SLC18A1: variants seen among roughly 807,000 people sequenced by gnomAD.
SLC18A1 encodes chromaffin granule amine transporter.
In SLC18A1, 69 loss-of-function variants were observed where a neutral mutation model predicts 53.7. That is an observed-to-expected ratio of 1.28 (90% CI 1.06 to 1.57). SLC18A1 has a LOEUF of 1.57. Among genes scored for constraint, SLC18A1 ranks in the 40% most tolerant of loss-of-function variants. The pLI is 0.00. For missense variants in SLC18A1, 932 were observed against 668.1 expected (o/e 1.40, Z -4.35); for synonymous variants, 320 against 248.1 (o/e 1.29, Z -2.72).
intron 4 of SLC18A1, 87 bp downstream of exon 4, chr8:20,178,348 T>C: frequency 1.9e-6 from 2 of 1,045,348 alleles, no homozygotes; most frequent in Non-Finnish European, 2.8e-6. Context: ...AATTACATTC[T>C]AGGTTACCCT....
At chr8:20,178,343 C>T (rs1483797355) in intron 4 of SLC18A1, 92 bp downstream of exon 4, 1 of 996,980 alleles carries the variant, frequency 1.0e-6, no homozygotes, top group East Asian at 2.5e-5. Context: ...TGCCTAATTA[C>T]ATTCTAGGTT....
intron 10 of SLC18A1, among the ~76,000 whole-genome samples, chr8:20,159,514 A>C (rs1316717778): frequency 6.6e-6 from 1 of 151,946 alleles, no homozygotes; most frequent in Non-Finnish European, 1.5e-5. Flanking sequence ...GAGAGCACAG[A>C]GGGAGGGACA....
Position 20,155,740 on chromosome 8 carries a change from C to T in SLC18A1, c.1016-4996G>A, listed in dbSNP as rs377351704. 2.3e-4 allele frequency among the ~76,000 whole-genome samples: 35 copies of T among 152,286 alleles called. No homozygotes were observed. The South Asian group carries it at 7.3e-3, about 32-fold the overall frequency. On this transcript the variant is annotated intron_variant, in intron 10 of 15. Transcript: ENST00000276373. ...ATGCTTCAGACTTTCACTTCCTCTCCCAAGTATTAGAGCAAGTTGTATCTC... is the reference window on the plus strand; with the variant it reads ...ATGCTTCAGACTTTCACTTCCTCTCTCAAGTATTAGAGCAAGTTGTATCTC...
intron 8 of SLC18A1, among the ~76,000 whole-genome samples, chr8:20,170,762 C>T (rs1195954881): frequency 6.7e-6 from 1 of 148,994 alleles, no homozygotes; most frequent in Non-Finnish European, 1.5e-5. Context: ...TGTGTGTGCA[C>T]ATATATATAT....
Position 20,147,210 on chromosome 8 carries a change from G to A in SLC18A1, c.1464+48C>T, listed in dbSNP as rs371494219. ...GATGAAAGGGAATGAGAGAGATGAT[G>A]GAAAGAAACAGAAGTGAATTTCTCT... On this transcript the variant is annotated intron_variant, in intron 15 of 15. Coordinates refer to ENST00000276373, the MANE Select transcript of SLC18A1 (RefSeq NM_003053.4). 6 of 1,556,584 alleles carry A rather than the reference G, an allele frequency of 3.9e-6. No homozygotes were observed. The African/African-American group carries it at 5.5e-5, about 14-fold the overall frequency.
intron 12 of SLC18A1, among the ~76,000 whole-genome samples, chr8:20,149,473 T>C (rs1213824470): frequency 6.6e-6 from 1 of 152,072 alleles, no homozygotes; most frequent in Non-Finnish European, 1.5e-5. Context: ...TCTTCCCCCG[T>C]GCTAAATTCC....
chr8:20,145,938 C>G (rs549658924), intron 15 of SLC18A1, 62 bp from the exon 16 acceptor site: 1 of 955,036 alleles, frequency 1.0e-6, no homozygotes, highest in East Asian at 2.8e-5. Flanking sequence ...TTTTTTGAGA[C>G]GGAGTCTCGC....
Position 20,164,980 on chromosome 8 carries a change from T to C in SLC18A1, c.920-16A>G. The stretch of plus-strand genomic sequence containing the variant: ...CAGATGGACCCTGGGGAGACTGTTC[T>C]GTGAGCAGCCGTGGCTGCTTGAAGC... On this transcript the variant is annotated splice_polypyrimidine_tract_variant and intron_variant, in intron 9 of 15. Transcript: ENST00000276373. 6.2e-7 allele frequency: 1 copy of C among 1,613,904 alleles called. No homozygotes were observed. Among genetic ancestry groups the C allele is most frequent in the Non-Finnish European group, 8.5e-7 (1 of 1,179,854 alleles).
At chr8:20,170,722 A>G (rs1215948129) in intron 8 of SLC18A1, among the ~76,000 whole-genome samples, 1 of 152,044 alleles carries the variant, frequency 6.6e-6, no homozygotes, top group Non-Finnish European at 1.5e-5. Flanking sequence ...TCAGTCCCCA[A>G]TGTCATTATC....
chr8:20,181,125 G>T (rs2072419112), intron 1 of SLC18A1, 38 bp from the exon 2 acceptor site: 1 of 687,554 alleles, frequency 1.5e-6, no homozygotes, highest in African/African-American at 1.8e-5. Context: ...GCAAGTAGTA[G>T]GATGATATTT....
intron 10 of SLC18A1, among the ~76,000 whole-genome samples, chr8:20,161,928 C>T (rs151306659): frequency 3.3e-4 from 51 of 152,270 alleles, no homozygotes; most frequent in Middle Eastern, 3.4e-3. Context: ...CCTACAGTTC[C>T]GTGATCTTGG....
At chr8:20,147,794 T>G in intron 13 of SLC18A1, 72 bp from the exon 14 acceptor site, 2 of 1,581,796 alleles carry the variant, frequency 1.3e-6, no homozygotes, top group Non-Finnish European at 1.7e-6. Context: ...CCTCCTCCAT[T>G]TAGTCCATTT....
At chr8:20,180,502 C>T (rs181442147) in intron 2 of SLC18A1, among the ~76,000 whole-genome samples, 4 of 152,256 alleles carry the variant, frequency 2.6e-5, no homozygotes, top group African/African-American at 7.2e-5. Flanking sequence ...GAGAAGATCT[C>T]GCTGCCTCAG....
chr8:20,150,834 T>C, intron 10 of SLC18A1, 90 bp from the exon 11 acceptor site: 1 of 1,183,280 alleles, frequency 8.5e-7, no homozygotes, highest in South Asian at 1.2e-5. Context: ...TCCACCCCTG[T>C]AACCTTCCAA....
intron 12 of SLC18A1, chr8:20,148,519 G>A: frequency 2.4e-6 from 3 of 1,271,798 alleles, no homozygotes; most frequent in Non-Finnish European, 3.1e-6. Flanking sequence ...CTTGGTAGCT[G>A]TTGGAAAAAG....
chr8:20,153,685 G>T (rs1267672938), intron 10 of SLC18A1, among the ~76,000 whole-genome samples: 4 of 151,770 alleles, frequency 2.6e-5, no homozygotes, highest in African/African-American at 9.7e-5. Context: ...AAAGAAAGAA[G>T]TGAGGACAGG....
chr8:20,170,367 C>T lies in SLC18A1; in HGVS notation c.858+736G>A, dbSNP rs918615590. Among the ~76,000 whole-genome samples the T allele has an allele frequency of 8.5e-5, 13 of 152,264 alleles. No homozygotes were observed. In the East Asian group the frequency reaches 2.3e-3, roughly 27 times the overall value. ...TGTGTAAGATGCAGCATAGATGGCG[C>T]ACTAAGCTGAGCTCCTGGTGCGTGA... On this transcript the variant is annotated intron_variant, in intron 8 of 15. Transcript: ENST00000276373.
rs1251767548 is a variant in SLC18A1 at position 20,145,001 on chromosome 8, T to G, written c.*762A>C. The G allele has an allele frequency of 6.6e-6, 1 of 152,158 alleles. No homozygotes were observed. The highest frequency in any genetic ancestry group is 1.5e-5 in the Non-Finnish European group (1 of 68,034). 9.4% of individuals were successfully genotyped at this position (152,158 alleles called of 1,614,324 possible). On this transcript the variant is annotated 3_prime_UTR_variant, in exon 16 of 16. Transcript: ENST00000276373. The stretch of plus-strand genomic sequence containing the variant: ...ATCTTGGGTCTAATCAGTTATTTTT[T>G]CTGTCTTTCTTCTACTTTTATTTCT...
chr8:20,178,590 A>C, intron 3 of SLC18A1, 97 bp from the exon 4 acceptor site: 1 of 846,442 alleles, frequency 1.2e-6, no homozygotes, highest in Non-Finnish European at 1.9e-6. Flanking sequence ...AAATGCAGCT[A>C]TTTGGGTGTA....
Sources: gnomAD v4.1 joint callset for allele counts (sites outside exome capture counted in the v4.1 genomes callset) on GRCh38, gnomAD v4.1.1 for gene constraint, MANE v1.5 for transcripts, NCBI Gene and HGNC (gene_info 2026-07-23, HGNC 2026-07-21) for gene names.